NXPE4: variants seen among roughly 807,000 people sequenced by gnomAD.
NXPE4 encodes the protein NXPE family member 4.
In NXPE4, 42 loss-of-function variants were observed where a neutral mutation model predicts 33.3. That is an observed-to-expected ratio of 1.26 (90% CI 0.98 to 1.63). The LOEUF is 1.63. Ranked by LOEUF, NXPE4 falls within the 40% of genes most tolerant of loss-of-function variation. The probability of loss-of-function intolerance (pLI) is 0.00; values close to 1 mark genes in which losing one functional copy is unlikely to be tolerated. For missense variants in NXPE4, 709 were observed against 647.6 expected (o/e 1.09, Z -1.03); for synonymous variants, 253 against 234.9 (o/e 1.08, Z -0.71).
At chr11:114,633,090 G>T in the NXPE4 span, among the ~76,000 whole-genome samples, 7 of 111,220 alleles carry the variant, frequency 6.3e-5, no homozygotes, top group East Asian at 2.5e-4. Context: ...TATCTTTTAT[G>T]TATTTTATAT....
the NXPE4 span, among the ~76,000 whole-genome samples, chr11:114,639,443 G>T: frequency 4.0e-5 from 6 of 151,720 alleles, no homozygotes; most frequent in Non-Finnish European, 7.4e-5. Flanking sequence ...GCCATGCTCT[G>T]CTTCGGCTCA....
the NXPE4 span, among the ~76,000 whole-genome samples, chr11:114,625,621 G>A: frequency 2.0e-5 from 3 of 152,264 alleles, no homozygotes; most frequent in East Asian, 5.8e-4. Context: ...ATTGCCTCGT[G>A]GGTAACTGCT....
At chr11:114,667,379 T>C in the NXPE4 span, among the ~76,000 whole-genome samples, 7 of 152,158 alleles carry the variant, frequency 4.6e-5, no homozygotes, top group African/African-American at 9.6e-5. Context: ...TCTGAAGTAA[T>C]AGACTTCTAA....
the NXPE4 span, among the ~76,000 whole-genome samples, chr11:114,639,861 A>ATATTAAATATAAAATATAATATATATTG: frequency 1.6e-5 from 1 of 62,626 alleles, no homozygotes; most frequent in Non-Finnish European, 2.8e-5. Context: ...AATATATATT[A>ATATTAAATATAAAATATAATATATATTG]TATTTTATAT....
the NXPE4 span, among the ~76,000 whole-genome samples, chr11:114,625,576 C>T: frequency 6.6e-5 from 10 of 152,038 alleles, no homozygotes; most frequent in East Asian, 1.9e-4. Flanking sequence ...AGTATTGCCT[C>T]GTGGGTAACC....
the NXPE4 span, among the ~76,000 whole-genome samples, chr11:114,622,306 C>T: frequency 6.6e-6 from 1 of 151,912 alleles, no homozygotes; most frequent in Non-Finnish European, 1.5e-5. Context: ...ATAATTGTTG[C>T]CTCATGGGGA....
the NXPE4 span, among the ~76,000 whole-genome samples, chr11:114,636,179 G>T: frequency 0.15 from 21,982 of 151,502 alleles, 2,025 homozygotes; most frequent in East Asian, 0.38. Flanking sequence ...ACTTCTTCCT[G>T]GTTTAGTCTT....
chr11:114,623,751 G>A, the NXPE4 span, among the ~76,000 whole-genome samples: 1 of 151,964 alleles, frequency 6.6e-6, no homozygotes, highest in Non-Finnish European at 1.5e-5. Context: ...ACTGTTAACT[G>A]GTGGATAATA....
the NXPE4 span, among the ~76,000 whole-genome samples, chr11:114,666,748 G>C: frequency 1.7e-4 from 26 of 152,056 alleles, no homozygotes; most frequent in African/African-American, 5.3e-4. Context: ...GCTTTTATAA[G>C]GTAGAATATC....
At chr11:114,643,070 G>A in the NXPE4 span, among the ~76,000 whole-genome samples, 2 of 152,206 alleles carry the variant, frequency 1.3e-5, no homozygotes, top group South Asian at 4.1e-4. Context: ...TTTGAGAAGT[G>A]TCCATTCATA....
the NXPE4 span, among the ~76,000 whole-genome samples, chr11:114,606,597 G>T: frequency 2.6e-5 from 4 of 151,986 alleles, no homozygotes; most frequent in Admixed American, 1.3e-4. Flanking sequence ...TTCCTTGTGG[G>T]TAACCACTGT....
chr11:114,591,127 A>G (rs2135281963), intron 2 of NXPE4, among the ~76,000 whole-genome samples: 1 of 152,258 alleles, frequency 6.6e-6, no homozygotes, highest in Non-Finnish European at 1.5e-5. Flanking sequence ...AGAAGTCCAT[A>G]AGGCAGAATA....
chr11:114,572,693 C>A (rs1163784241), intron 5 of NXPE4, among the ~76,000 whole-genome samples: 2 of 152,084 alleles, frequency 1.3e-5, no homozygotes, highest in African/African-American at 2.4e-5. Context: ...ATGAACAAAG[C>A]CACCAAGAAG....
chr11:114,633,377 T>G, the NXPE4 span, among the ~76,000 whole-genome samples: 2 of 143,642 alleles, frequency 1.4e-5, no homozygotes, highest in East Asian at 2.0e-4. Flanking sequence ...TAATATATTA[T>G]GTATTATATT....
At chr11:114,666,802 G>C in the NXPE4 span, among the ~76,000 whole-genome samples, 1 of 152,040 alleles carries the variant, frequency 6.6e-6, no homozygotes, top group Non-Finnish European at 1.5e-5. Flanking sequence ...TCTTTTCCTT[G>C]TATTTACAAC....
chr11:114,626,006 A>T, the NXPE4 span, among the ~76,000 whole-genome samples: 2 of 152,214 alleles, frequency 1.3e-5, no homozygotes, highest in East Asian at 3.8e-4. Context: ...TATATCCCGC[A>T]TTTGGCTCAA....
At chr11:114,650,074 GAAA>G in the NXPE4 span, among the ~76,000 whole-genome samples, 1 of 151,550 alleles carries the variant, frequency 6.6e-6, no homozygotes, top group Non-Finnish European at 1.5e-5. Flanking sequence ...CTAACAATGA[GAAA>G]AAAAATCCAG....
chr11:114,645,465 G>A, the NXPE4 span, among the ~76,000 whole-genome samples: 1 of 152,002 alleles, frequency 6.6e-6, no homozygotes. Context: ...AGAATAAAAG[G>A]ATTTCTGAAA....
the NXPE4 span, among the ~76,000 whole-genome samples, chr11:114,650,360 A>T: frequency 6.6e-6 from 1 of 152,216 alleles, no homozygotes; most frequent in Non-Finnish European, 1.5e-5. Context: ...AGGATGTCAC[A>T]ATCACCCATG....
Sources: allele counts gnomAD v4.1 joint callset (sites outside exome capture counted in the v4.1 genomes callset), GRCh38; gene constraint gnomAD v4.1.1; transcripts MANE v1.5; gene names NCBI Gene and HGNC (gene_info 2026-07-23, HGNC 2026-07-21).